CDK13: variants seen among roughly 807,000 people sequenced by gnomAD.
CDK13 encodes the protein cyclin-dependent kinase 13.
In CDK13, 40 loss-of-function variants were observed where a neutral mutation model predicts 137.6. That is an observed-to-expected ratio of 0.29 (90% CI 0.23 to 0.38). CDK13 has a LOEUF of 0.38. Among genes scored for constraint, CDK13 ranks in the 10% least tolerant of loss-of-function variants. The probability of loss-of-function intolerance (pLI) is 1.00; values close to 1 mark genes in which losing one functional copy is unlikely to be tolerated. For synonymous variants in CDK13, 869 were observed against 760.1 expected (o/e 1.14, Z -2.36); for missense variants, 1,704 against 1,951.8 (o/e 0.87, Z 2.39).
chr7:40,079,359 C>A (rs749436239), intron 11 of CDK13, among the ~76,000 whole-genome samples: 30 of 151,830 alleles, frequency 2.0e-4, no homozygotes, highest in Non-Finnish European at 3.2e-4. Context: ...GCGGAGGTTG[C>A]AGTGAGCCAA....
chr7:39,992,121 G>A (rs936634650), intron 2 of CDK13, among the ~76,000 whole-genome samples: 2 of 140,124 alleles, frequency 1.4e-5, no homozygotes, highest in Admixed American at 7.2e-5. Flanking sequence ...ACACACACAA[G>A]CACACACGCT....
intron 2 of CDK13, among the ~76,000 whole-genome samples, chr7:39,992,029 G>T (rs1358299364): frequency 6.6e-6 from 1 of 151,882 alleles, no homozygotes; most frequent in Non-Finnish European, 1.5e-5. Flanking sequence ...TCCTGCCTGG[G>T]TGACAGAGTG....
chr7:40,033,945 T>C (rs1252221607), intron 5 of CDK13, among the ~76,000 whole-genome samples: 1 of 152,202 alleles, frequency 6.6e-6, no homozygotes, highest in Non-Finnish European at 1.5e-5. Flanking sequence ...AATATTTCCC[T>C]TCTAGATTGG....
At chr7:40,064,422 T>G (rs774390635) in intron 9 of CDK13, among the ~76,000 whole-genome samples, 2 of 152,268 alleles carry the variant, frequency 1.3e-5, no homozygotes, top group Admixed American at 6.5e-5. Context: ...GGGTACAGAT[T>G]TACAGAATTT....
chr7:39,952,147 T>A (rs1330552429), intron 1 of CDK13: 3 of 301,732 alleles, frequency 9.9e-6, no homozygotes, highest in African/African-American at 4.3e-5. Flanking sequence ...AACAGGTTTC[T>A]CTCAGTTGCT....
At chr7:39,993,545 G>C (rs1051814566) in intron 2 of CDK13, among the ~76,000 whole-genome samples, 1 of 151,912 alleles carries the variant, frequency 6.6e-6, no homozygotes, top group Non-Finnish European at 1.5e-5. Context: ...ATGGTAATCT[G>C]TGTGTTTTCA....
chr7:40,018,896 A>T (rs557532205), intron 5 of CDK13, among the ~76,000 whole-genome samples: 22 of 152,308 alleles, frequency 1.4e-4, no homozygotes, highest in African/African-American at 3.8e-4. Flanking sequence ...TTGAAAAAAA[A>T]TTTTAAAGTA....
intron 1 of CDK13, among the ~76,000 whole-genome samples, chr7:39,973,839 G>A (rs944373817): frequency 6.6e-6 from 1 of 152,192 alleles, no homozygotes; most frequent in Admixed American, 6.5e-5. Flanking sequence ...GTTGAAAAGA[G>A]TATTCCTTTT....
intron 9 of CDK13, among the ~76,000 whole-genome samples, chr7:40,075,772 A>G (rs10224206): frequency 0.31 from 46,500 of 151,954 alleles, 7,711 homozygotes; most frequent in Middle Eastern, 0.48. Flanking sequence ...ACTTTAGGAG[A>G]CTGAGGTGGG....
chr7:39,951,999 G>C (rs17537683), intron 1 of CDK13, 147 bp downstream of exon 1: 3 of 807,594 alleles, frequency 3.7e-6, no homozygotes, highest in Non-Finnish European at 5.0e-6. Flanking sequence ...GGAAGGATAG[G>C]CGTTTTCGCG....
intron 5 of CDK13, among the ~76,000 whole-genome samples, chr7:40,004,297 C>T (rs528496739): frequency 5.4e-4 from 82 of 152,208 alleles, no homozygotes; most frequent in African/African-American, 1.9e-3. Context: ...CAGTGCCTAG[C>T]GCTGCATTTC....
intron 1 of CDK13, among the ~76,000 whole-genome samples, chr7:39,957,962 T>C (rs1224550405): frequency 2.0e-5 from 3 of 152,212 alleles, no homozygotes; most frequent in Non-Finnish European, 4.4e-5. Context: ...TTGGCTTTGT[T>C]TTCTATAAAT....
chr7:40,054,656 C>A (rs17538125), intron 7 of CDK13, among the ~76,000 whole-genome samples: 13,714 of 152,176 alleles, frequency 0.09, 994 homozygotes, highest in East Asian at 0.33. Flanking sequence ...GTCTTGAACT[C>A]CTGACCTCAG....
chr7:39,998,145 A>G (rs914738019), intron 3 of CDK13: 3 of 154,392 alleles, frequency 1.9e-5, no homozygotes, highest in African/African-American at 7.3e-5. Flanking sequence ...GTAAGTGCCT[A>G]AAGAGACCTC....
intron 9 of CDK13, among the ~76,000 whole-genome samples, chr7:40,068,425 A>G (rs770557808): frequency 1.2e-4 from 18 of 151,732 alleles, no homozygotes; most frequent in Non-Finnish European, 1.8e-4. Context: ...GTCAGGCACA[A>G]TGGCTCACGC....
chr7:39,951,199 C>T lies in CDK13; in HGVS notation c.558C>T (p.Gly186=), dbSNP rs1027666757. 3.5e-5 allele frequency: 44 copies of T among 1,250,878 alleles called. No individual in the cohort carries two copies. Among genetic ancestry groups the T allele is most frequent in the Non-Finnish European group, 4.2e-5 (42 of 1,000,116 alleles). The allele number at this position is 1,250,878 out of a possible 1,614,324, so 77.5% of individuals were successfully genotyped here. A position where few individuals can be genotyped will look rare whatever the true frequency, so the allele number is the denominator to read the frequency against. Residue 186 remains glycine (G), a synonymous_variant, in exon 1 of 14, where the codon GGC becomes GGT. Transcript: ENST00000181839. The part of the protein sequence containing the change: ...GSGGSPASSS[G]TQRRGEGSER... Reference sequence around the variant, plus strand: ...GCGGGAGTCCGGCCTCCTCCTCCGGCACCCAGCGGCGCGGGGAGGGGTCGG... The same window carrying T: ...GCGGGAGTCCGGCCTCCTCCTCCGGTACCCAGCGGCGCGGGGAGGGGTCGG...
chr7:40,064,975 T>C (rs1345008734), intron 9 of CDK13, among the ~76,000 whole-genome samples: 1 of 131,812 alleles, frequency 7.6e-6, no homozygotes, highest in Non-Finnish European at 1.6e-5. Flanking sequence ...TTTTTTTTTT[T>C]TTTTTTTTTT....
At chr7:40,061,068 C>CA (rs763649020) in intron 7 of CDK13, 272 of 102,920 alleles carry the variant, frequency 2.6e-3, no homozygotes, top group East Asian at 8.6e-3. Context: ...GACTCCAGCG[C>CA]AAAAAAAAAA....
chr7:39,957,312 G>GATAAAAGTTAGTTTTTTTTATC (rs567959157), intron 1 of CDK13, among the ~76,000 whole-genome samples: 2 of 151,352 alleles, frequency 1.3e-5, no homozygotes, highest in Non-Finnish European at 2.9e-5. Flanking sequence ...TTTTTTTCCT[G>GATAAAAGTTAGTTTTTTTTATC]TGCCCCCACA....
Sources: gnomAD v4.1 joint callset for allele counts (sites outside exome capture counted in the v4.1 genomes callset) on GRCh38, gnomAD v4.1.1 for gene constraint, MANE v1.5 for transcripts, NCBI Gene and HGNC (gene_info 2026-07-23, HGNC 2026-07-21) for gene names.